Variants in BEGAIN observed in about 807,000 individuals in gnomAD.
BEGAIN encodes the protein brain-enriched guanylate kinase-associated protein.
BEGAIN carries 19 observed loss-of-function variants against 35.8 expected under a neutral mutation model. That is an observed-to-expected ratio of 0.53 (90% CI 0.37 to 0.78). BEGAIN has a LOEUF of 0.78. Among genes scored for constraint, BEGAIN ranks in the 30% least tolerant of loss-of-function variants. The probability of loss-of-function intolerance (pLI) is 0.00; values close to 1 mark genes in which losing one functional copy is unlikely to be tolerated. For synonymous variants in BEGAIN, 462 were observed against 388.6 expected, an observed-to-expected ratio of 1.19 and a Z score of -2.22; for missense variants, 795 against 853.6, an observed-to-expected ratio of 0.93 and a Z score of 0.85.
In BEGAIN at chr14:100,568,062, C is replaced by T; in HGVS notation, c.43-123G>A. 1 of 1,098,382 alleles carries T rather than the reference C, an allele frequency of 9.1e-7. No homozygotes were observed. Among genetic ancestry groups the T allele is most frequent in the Non-Finnish European group, 1.1e-6 (1 of 902,792 alleles). The allele number at this position is 1,098,382 out of a possible 1,614,324, so 68.0% of individuals were successfully genotyped here. The stretch of plus-strand genomic sequence containing the variant: ...CGCGGGGCCCCGTCCGTGGGAAGCC[C>T]GGCGCCGCGCGTCCCCAGCTTCCAG... On this transcript the variant is annotated intron_variant, in intron 1 of 6. Transcript: ENST00000554140. This position sits in a 1 kb window ranked among gnomAD's most constrained non-coding sequence, Gnocchi z 7.5.
At chr14:100,577,894 T>G in intron 1 of BEGAIN, 4 of 399,210 alleles carry the variant, frequency 1.0e-5, no homozygotes, top group Non-Finnish European at 1.8e-5. Flanking sequence ...GCTGTAGCCG[T>G]CCTGCCTGGG....
chr14:100,559,527 G>A (rs891261644), intron 2 of BEGAIN, among the ~76,000 whole-genome samples: 6 of 152,218 alleles, frequency 3.9e-5, no homozygotes, highest in Admixed American at 1.3e-4. Context: ...TCAGCACTTC[G>A]ATTGCTGGCT....
intron 1 of BEGAIN, among the ~76,000 whole-genome samples, chr14:100,570,183 A>C (rs191236640): frequency 6.6e-6 from 1 of 152,362 alleles, no homozygotes; most frequent in African/African-American, 2.4e-5. Flanking sequence ...GAATGTATTA[A>C]AATTTAATTT....
In BEGAIN at chr14:100,586,713, G is replaced by A. The variant is rs532184133; in HGVS notation, c.42+536C>T. ...TAGTACCTGCCGCGAGGTACTGAAT[G>A]GGATGGTGGTGTCCGAGGTTCGTGC... On this transcript the variant is annotated intron_variant, in intron 1 of 6. Transcript: ENST00000554140. This position sits in a 1 kb window ranked among gnomAD's most constrained non-coding sequence, Gnocchi z 4.9. Among the ~76,000 whole-genome samples the A allele has an allele frequency of 6.6e-6, 1 of 152,306 alleles. No homozygotes were observed. Among genetic ancestry groups the A allele is most frequent in the African/African-American group, 2.4e-5 (1 of 41,584 alleles).
intron 1 of BEGAIN, among the ~76,000 whole-genome samples, chr14:100,584,757 C>A (rs890885025): frequency 6.6e-6 from 1 of 152,134 alleles, no homozygotes; most frequent in Non-Finnish European, 1.5e-5. Flanking sequence ...AGTGAGTCAG[C>A]GGCAGAGGAG....
chr14:100,570,125 A>G (rs1355243579), intron 1 of BEGAIN, among the ~76,000 whole-genome samples: 1 of 152,212 alleles, frequency 6.6e-6, no homozygotes, highest in Non-Finnish European at 1.5e-5. Flanking sequence ...GCCAACCTCA[A>G]TCACTCACGG....
chr14:100,572,038 C>A (rs1465447801), intron 1 of BEGAIN, among the ~76,000 whole-genome samples: 1 of 152,190 alleles, frequency 6.6e-6, no homozygotes, highest in Non-Finnish European at 1.5e-5. Flanking sequence ...GCGTCTTAAT[C>A]CCCAGCCAGA....
At chr14:100,580,506 C>A (rs1040121727) in intron 1 of BEGAIN, among the ~76,000 whole-genome samples, 3 of 152,008 alleles carry the variant, frequency 2.0e-5, no homozygotes, top group African/African-American at 7.3e-5. Flanking sequence ...GACCTCAGGG[C>A]CTTTGCACTT....
intron 1 of BEGAIN, among the ~76,000 whole-genome samples, chr14:100,578,641 C>A (rs1372087472): frequency 6.6e-6 from 1 of 152,194 alleles, no homozygotes; most frequent in Non-Finnish European, 1.5e-5. Flanking sequence ...GATCAGACAG[C>A]CAGCCTGTGT....
intron 2 of BEGAIN, among the ~76,000 whole-genome samples, chr14:100,566,662 G>A (rs373379419): frequency 1.2e-3 from 177 of 152,272 alleles, no homozygotes; most frequent in African/African-American, 4.2e-3. Flanking sequence ...GGGCCTCACC[G>A]CCCCCACCTG....
intron 2 of BEGAIN, among the ~76,000 whole-genome samples, chr14:100,562,826 C>T (rs1399087998): frequency 6.6e-6 from 1 of 152,182 alleles, no homozygotes; most frequent in Non-Finnish European, 1.5e-5. Flanking sequence ...CACTTGTCAC[C>T]GTGATATTTA....
Position 100,568,227 on chromosome 14 carries a change from C to G in BEGAIN, c.43-288G>C. 6.0e-6 allele frequency: 4 copies of G among 671,208 alleles called. No homozygotes were observed. The highest frequency in any genetic ancestry group is 8.1e-6 in the Non-Finnish European group (4 of 495,430). The allele number at this position is 671,208 out of a possible 1,614,324, so 41.6% of individuals were successfully genotyped here. A position where few individuals can be genotyped will look rare whatever the true frequency, so the allele number is the denominator to read the frequency against. Reference sequence around the variant, plus strand: ...AGGGGCCGGCCCGGGATGGCCCGGCCAGGGGCGATCTCGGCCTCGCCCGGA... The same window carrying G: ...AGGGGCCGGCCCGGGATGGCCCGGCGAGGGGCGATCTCGGCCTCGCCCGGA... On this transcript the variant is annotated intron_variant, in intron 1 of 6. Coordinates refer to ENST00000554140, the MANE Select transcript of BEGAIN (RefSeq NM_001385089.1). The surrounding 1 kb of genome is among the most constrained non-coding windows in gnomAD (Gnocchi z 7.5).
intron 2 of BEGAIN, among the ~76,000 whole-genome samples, chr14:100,562,862 C>T (rs945982146): frequency 3.3e-5 from 5 of 152,224 alleles, no homozygotes; most frequent in African/African-American, 1.2e-4. Flanking sequence ...TTTCTGTTCC[C>T]GCCGACTAGA....
chr14:100,542,510 C>T lies in BEGAIN; in HGVS notation c.408+1348G>A, dbSNP rs148102662. On this transcript the variant is annotated intron_variant, in intron 5 of 6. Transcript: ENST00000554140. ...CCTCCTGCTGCCCTGGTGACATCTC[C>T]GCTCCAAGGGGTCCTGTGCATCTCC... is the stretch of plus-strand genomic sequence containing the variant. Among the ~76,000 whole-genome samples, 114 of 152,328 alleles carry T rather than the reference C, an allele frequency of 7.5e-4. 1 individual carries two copies. In the East Asian group the frequency reaches 0.015, roughly 20 times the overall value.
chr14:100,539,739 G>A (rs2031284550), intron 6 of BEGAIN, among the ~76,000 whole-genome samples: 1 of 152,112 alleles, frequency 6.6e-6, no homozygotes, highest in Non-Finnish European at 1.5e-5. Flanking sequence ...TCTACTGGGG[G>A]CATGACCCAC....
At chr14:100,561,454 G>A (rs10129359) in intron 2 of BEGAIN, among the ~76,000 whole-genome samples, 2,716 of 152,266 alleles carry the variant, frequency 0.018, 87 homozygotes, top group African/African-American at 0.062. Context: ...GAAAGCTTCC[G>A]AAATCTGCCC....
chr14:100,556,875 A>G (rs577459890), intron 2 of BEGAIN, among the ~76,000 whole-genome samples: 1 of 152,248 alleles, frequency 6.6e-6, no homozygotes, highest in Admixed American at 6.5e-5. Flanking sequence ...GCAGCAGGCT[A>G]TGTCCCTGGG....
intron 1 of BEGAIN, among the ~76,000 whole-genome samples, 182 bp downstream of exon 1, chr14:100,587,067 G>C (rs2035460428): frequency 6.6e-6 from 1 of 151,742 alleles, no homozygotes; most frequent in Non-Finnish European, 1.5e-5. Flanking sequence ...GTTCCCAGGA[G>C]ACCCGGCCCG....
chr14:100,538,052 C>G lies in BEGAIN; in HGVS notation c.1756G>C (p.Ala586Pro). The G allele has an allele frequency of 3.1e-6, 5 of 1,606,014 alleles. No homozygotes were observed. The highest frequency in any genetic ancestry group is 4.2e-6 in the Non-Finnish European group (5 of 1,177,344). The change falls in exon 7 of 7, where the codon GCC becomes CCC. Residue 586 changes from alanine (A) to proline (P), a missense_variant. Coordinates refer to ENST00000554140, the MANE Select transcript of BEGAIN (RefSeq NM_001385089.1). ...CCCGAGCCACCAGTCCGCGGAAAGG[C>G]CTGCTGGGGGCTGAGGCGGGCGGCA... is the stretch of plus-strand genomic sequence containing the variant. ...HPAARLSPQQ[A>P]FPRTGGSGLS...
Sources: gnomAD v4.1 joint callset for allele counts (sites outside exome capture counted in the v4.1 genomes callset) on GRCh38, gnomAD v4.1.1 for gene constraint, Gnocchi (gnomAD v3.1) non-coding constraint, MANE v1.5 for transcripts, NCBI Gene and HGNC (gene_info 2026-07-23, HGNC 2026-07-21) for gene names.